Variants in STOX1 observed in about 807,000 individuals in gnomAD.
STOX1 encodes storkhead-box protein 1.
A neutral mutation model predicts 74.8 loss-of-function variants in STOX1; 57 were observed. The observed-to-expected ratio is 0.76, with a 90% confidence interval of 0.62 to 0.95. The LOEUF (loss-of-function observed/expected upper bound fraction) is 0.95. Among genes scored for constraint, STOX1 ranks in the 40% least tolerant of loss-of-function variants. The pLI is 0.00. For synonymous variants in STOX1, 375 were observed against 401.3 expected, an observed-to-expected ratio of 0.93 and a Z score of 0.78; for missense variants, 1,010 against 1,117.0, an observed-to-expected ratio of 0.90 and a Z score of 1.37.
rs1038040718 is a variant in STOX1, at chr10:68,855,228, C to T, written c.311-26730C>T. Reference sequence around the variant, plus strand: ...CTCCGTCTCCTGGGTTCAAGCAATTCTCCTGCCTCAGCCTCCCGAGTAGCT... The same window carrying T: ...CTCCGTCTCCTGGGTTCAAGCAATTTTCCTGCCTCAGCCTCCCGAGTAGCT... On this transcript the variant is annotated intron_variant, in intron 1 of 3. Coordinates refer to ENST00000298596, the MANE Select transcript of STOX1 (RefSeq NM_152709.5). Among the ~76,000 whole-genome samples, 8 of 150,822 alleles carry T rather than the reference C, an allele frequency of 5.3e-5. No individual in the cohort carries two copies. The East Asian group carries it at 1.4e-3, about 26-fold the overall frequency.
chr10:68,861,853 G>A (rs1840275835), intron 1 of STOX1, among the ~76,000 whole-genome samples: 2 of 152,126 alleles, frequency 1.3e-5, no homozygotes, highest in Admixed American at 1.3e-4. Context: ...CAAAGACAAA[G>A]TTTGTAGAGT....
chr10:68,876,212 C>G (rs1359816848), intron 1 of STOX1, among the ~76,000 whole-genome samples: 3 of 151,204 alleles, frequency 2.0e-5, no homozygotes, highest in African/African-American at 7.3e-5. Context: ...GGCTGTAGTG[C>G]AATGGCGCGA....
Position 68,882,056 on chromosome 10 carries a change from C to G in STOX1, c.409C>G (p.Gln137Glu). The G allele has an allele frequency of 6.2e-7, 1 of 1,613,758 alleles. No individual in the cohort carries two copies. Among genetic ancestry groups the G allele is most frequent in the Non-Finnish European group, 8.5e-7 (1 of 1,179,870 alleles). ...TGCTATATCTGATATGAATACAGCT[C>G]AGATTGTAGTAACGCAGGAATCACT... ...CCAISDMNTA[Q>E]IVVTQESLLE... The change falls in exon 2 of 4, where the codon CAG becomes GAG. Residue 137 changes from glutamine (Q) to glutamate (E), a missense_variant. By Grantham distance (29) the Gln-to-Glu change is conservative. Coordinates refer to ENST00000298596, the MANE Select transcript of STOX1 (RefSeq NM_152709.5).
chr10:68,889,580 T>C (rs1841050835), intron 3 of STOX1, among the ~76,000 whole-genome samples: 1 of 152,278 alleles, frequency 6.6e-6, no homozygotes, highest in African/African-American at 2.4e-5. Flanking sequence ...TATTTGTTTT[T>C]TGAGATGTAG....
intron 1 of STOX1, among the ~76,000 whole-genome samples, chr10:68,870,821 C>T (rs1840518867): frequency 6.6e-6 from 1 of 152,166 alleles, no homozygotes; most frequent in South Asian, 2.1e-4. Context: ...AGTCCTACAA[C>T]CATAAGGAAC....
intron 1 of STOX1, among the ~76,000 whole-genome samples, chr10:68,857,008 A>T (rs999557551): frequency 6.6e-6 from 1 of 152,126 alleles, no homozygotes; most frequent in African/African-American, 2.4e-5. Flanking sequence ...CTCTTCCAGT[A>T]AACCAGGTGA....
In STOX1 at chr10:68,886,351, A is replaced by G. The variant is rs117514020; in HGVS notation, c.2555A>G (p.Glu852Gly). The G allele has an allele frequency of 1.2e-6, 2 of 1,614,240 alleles. No homozygotes were observed. Among genetic ancestry groups the G allele is most frequent in the East Asian group, 2.2e-5 (1 of 44,888 alleles). Residue 852 changes from glutamate (E) to glycine (G), a missense_variant, in exon 3 of 4, where the codon GAA becomes GGA. Physicochemically the swap from Glu to Gly is moderately conservative, Grantham distance 98. Coordinates refer to ENST00000298596, the MANE Select transcript of STOX1 (RefSeq NM_152709.5). ...KCVQASAPAD[E>G]RIFDYYSARK... is the part of the protein sequence containing the mutation. ...GTACAGGCCTCAGCACCTGCTGATG[A>G]AAGAATCTTTGATTACTATAGCGCA...
chr10:68,849,347 C>T (rs1839925552), intron 1 of STOX1, among the ~76,000 whole-genome samples: 1 of 152,168 alleles, frequency 6.6e-6, no homozygotes. Flanking sequence ...CTGTTCTCAA[C>T]CCATTGAATC....
At chr10:68,874,660 CAAAAAAAAAAAA>C (rs545162403) in intron 1 of STOX1, among the ~76,000 whole-genome samples, 2 of 128,698 alleles carry the variant, frequency 1.6e-5, no homozygotes, top group Non-Finnish European at 1.7e-5. Context: ...GACTCCGTCT[CAAAAAAAAAAAA>C]AAAAAAAAAA....
intron 1 of STOX1, among the ~76,000 whole-genome samples, chr10:68,850,974 GA>G (rs1224853975): frequency 2.7e-5 from 4 of 150,738 alleles, no homozygotes; most frequent in Admixed American, 2.6e-4. Flanking sequence ...CGTGTCTCAA[GA>G]AAAAAATTAA....
chr10:68,858,075 G>C (rs1840170292), intron 1 of STOX1, among the ~76,000 whole-genome samples: 1 of 152,096 alleles, frequency 6.6e-6, no homozygotes. Context: ...TCTAGAATGG[G>C]GTTAGGTTGT....
intron 3 of STOX1, among the ~76,000 whole-genome samples, chr10:68,890,656 T>C (rs1217283635): frequency 1.3e-5 from 2 of 148,438 alleles, no homozygotes; most frequent in East Asian, 1.9e-4. Flanking sequence ...TTTCTTTTTT[T>C]TTTTTTTTTT....
rs1252795720 is a variant in STOX1, at chr10:68,884,819, A to C, written c.1023A>C (p.Glu341Asp). 3.7e-6 allele frequency: 6 copies of C among 1,614,074 alleles called. No homozygotes were observed. Among genetic ancestry groups the C allele is most frequent in the Admixed American group, 1.7e-5 (1 of 59,996 alleles). ...TCTCTGCTCAGTTCCCACCTGAAGA[A>C]TGGCCCGTCCGAGATGAAGATGACT... ...SSFSAQFPPE[E>D]WPVRDEDDLD... The change falls in exon 3 of 4, where the codon GAA (glutamate) becomes GAC (aspartate). Residue 341 changes from glutamate (E) to aspartate (D), a missense_variant. Glu to Asp is a conservative substitution (Grantham distance 45). Coordinates refer to ENST00000298596, the MANE Select transcript of STOX1 (RefSeq NM_152709.5).
At chr10:68,846,178 G>A (rs977546388) in intron 1 of STOX1, among the ~76,000 whole-genome samples, 5 of 140,200 alleles carry the variant, frequency 3.6e-5, no homozygotes, top group South Asian at 4.5e-4. Context: ...ACGGAGTCTC[G>A]CTCTGTCACC....
chr10:68,861,132 T>C (rs529976508), intron 1 of STOX1, among the ~76,000 whole-genome samples: 1 of 152,084 alleles, frequency 6.6e-6, no homozygotes, highest in African/African-American at 2.4e-5. Context: ...AACCCAGCAG[T>C]GCTAGAGGAA....
At chr10:68,851,023 G>C (rs1839970489) in intron 1 of STOX1, among the ~76,000 whole-genome samples, 1 of 151,328 alleles carries the variant, frequency 6.6e-6, no homozygotes, top group Non-Finnish European at 1.5e-5. Flanking sequence ...AAAAAAGCAA[G>C]AGAGGCCAGG....
At chr10:68,860,417 C>A (rs774859150) in intron 1 of STOX1, among the ~76,000 whole-genome samples, 1 of 151,152 alleles carries the variant, frequency 6.6e-6, no homozygotes, top group Non-Finnish European at 1.5e-5. Flanking sequence ...ACTAAAAATA[C>A]AAAAAATTAG....
At chr10:68,889,630 C>T (rs537750380) in intron 3 of STOX1, among the ~76,000 whole-genome samples, 1 of 152,300 alleles carries the variant, frequency 6.6e-6, no homozygotes, top group African/African-American at 2.4e-5. Context: ...GTGGTGCGAT[C>T]TCGGCTCACA....
At chr10:68,828,749 T>A (rs1184156481) in intron 1 of STOX1, among the ~76,000 whole-genome samples, 1 of 152,186 alleles carries the variant, frequency 6.6e-6, no homozygotes, top group Admixed American at 6.6e-5. Flanking sequence ...GTTTTCATGT[T>A]CTGCAGTGTG....
Sources: gnomAD v4.1 joint callset for allele counts (sites outside exome capture counted in the v4.1 genomes callset) on GRCh38, gnomAD v4.1.1 for gene constraint, MANE v1.5 for transcripts, NCBI Gene and HGNC (gene_info 2026-07-23, HGNC 2026-07-21) for gene names.